The following STS variants were observed in gnomAD, a reference collection of about 807,000 sequenced individuals.
The protein encoded by STS is steryl-sulfatase.
In STS, 7 loss-of-function variants were observed where a neutral mutation model predicts 26.8. That is an observed-to-expected ratio of 0.26 (90% CI 0.15 to 0.49). STS has a LOEUF of 0.49. STS is among the 20% of genes least tolerant of loss of function. The pLI is 0.98. For synonymous variants in STS, 199 were observed against 189.4 expected (o/e 1.05, Z -0.42); for missense variants, 434 against 465.6 (o/e 0.93, Z 0.63).
At chrX:7,176,316 T>G (rs1468129473) in intron 1 of STS, among the ~76,000 whole-genome samples, 4 of 111,181 alleles carry the variant, frequency 3.6e-5, no homozygotes, top group African/African-American at 1.3e-4. Flanking sequence ...TTGTGCAAAG[T>G]AGAAGAAAGT....
At chrX:7,204,535 C>A (rs1464517943) in intron 2 of STS, among the ~76,000 whole-genome samples, 1 of 89,759 alleles carries the variant, frequency 1.1e-5, no homozygotes, top group African/African-American at 4.1e-5. Flanking sequence ...CTCCCTCCCT[C>A]CCTCCTTTCC....
intron 2 of STS, among the ~76,000 whole-genome samples, chrX:7,213,662 T>C (rs2147040927): frequency 8.9e-6 from 1 of 112,066 alleles, no homozygotes; most frequent in East Asian, 2.8e-4. Context: ...GTAAAAACTG[T>C]ATCCATCTCC....
chrX:7,235,326 A>G (rs763670071), intron 2 of STS, among the ~76,000 whole-genome samples: 2 of 112,088 alleles, frequency 1.8e-5, no homozygotes, highest in African/African-American at 6.5e-5. Flanking sequence ...TATCCTGCCT[A>G]TGATGGCACT....
chrX:7,177,989 G>A (rs749024567), intron 1 of STS, among the ~76,000 whole-genome samples: 3 of 109,890 alleles, frequency 2.7e-5, no homozygotes, highest in African/African-American at 9.9e-5. Context: ...ACAGGGTCTC[G>A]CTATGTTGGC....
At chrX:7,303,736 G>A (rs1440895943) in intron 7 of STS, among the ~76,000 whole-genome samples, 1 of 111,797 alleles carries the variant, frequency 8.9e-6, no homozygotes, top group Non-Finnish European at 1.9e-5. Context: ...GCCCATCATT[G>A]TCTTCTGATT....
At chrX:7,257,794 T>G (rs1222597094) in intron 5 of STS, among the ~76,000 whole-genome samples, 1 of 102,575 alleles carries the variant, frequency 9.7e-6, no homozygotes, top group East Asian at 3.1e-4. Context: ...ACTACTCAAA[T>G]GTATAGATGT....
At chrX:7,159,427 C>T (rs1933198882) in intron 1 of STS, among the ~76,000 whole-genome samples, 2 of 112,016 alleles carry the variant, frequency 1.8e-5, no homozygotes, top group African/African-American at 6.5e-5. Flanking sequence ...ATCAGGCTCT[C>T]CACAGATCAT....
chrX:7,206,090 G>C (rs1390734198), intron 2 of STS, among the ~76,000 whole-genome samples: 1 of 111,742 alleles, frequency 8.9e-6, no homozygotes, highest in Non-Finnish European at 1.9e-5. Context: ...AATGGGCTTT[G>C]CTCTGGGTTT....
chrX:7,316,847 A>G (rs780456265), intron 8 of STS, among the ~76,000 whole-genome samples: 16 of 111,878 alleles, frequency 1.4e-4, no homozygotes, highest in African/African-American at 4.9e-4. Context: ...ATCATCACAC[A>G]CTTCAACGGG....
At chrX:7,338,719 A>T (rs764858485) in intron 10 of STS, among the ~76,000 whole-genome samples, 21 of 111,989 alleles carry the variant, frequency 1.9e-4, no homozygotes, top group Non-Finnish European at 2.8e-4. Flanking sequence ...TTTAAAAATG[A>T]CAATACTAGG....
At chrX:7,214,983 TATATATACGTATATATAC>T (rs1469415633) in intron 2 of STS, among the ~76,000 whole-genome samples, 2 of 82,309 alleles carry the variant, frequency 2.4e-5, no homozygotes, top group Admixed American at 1.7e-4. Context: ...TATATATACA[TATATATACGTATATATAC>T]ATATATACGT....
At chrX:7,254,101 A>G (rs1601688489) in intron 3 of STS, among the ~76,000 whole-genome samples, 1 of 111,931 alleles carries the variant, frequency 8.9e-6, no homozygotes, top group South Asian at 3.8e-4. Flanking sequence ...CCACCTCCTA[A>G]TAAAATCCCA....
chrX:7,294,555 A>G (rs1601720586), intron 7 of STS, among the ~76,000 whole-genome samples: 1 of 112,005 alleles, frequency 8.9e-6, no homozygotes. Context: ...ATGCAAAAGC[A>G]TTTAGTCTAT....
chrX:7,324,165 C>T (rs543946288), intron 8 of STS, among the ~76,000 whole-genome samples: 67 of 105,139 alleles, frequency 6.4e-4, no homozygotes, highest in South Asian at 5.6e-3. Context: ...GAGTCAAAAT[C>T]GGGGGGTGGG....
chrX:7,350,303 C>T lies in STS; in HGVS notation c.*42C>T, dbSNP rs1387453594. The T allele has an allele frequency of 2.5e-6, 3 of 1,188,028 alleles. No homozygotes were observed. The highest frequency in any genetic ancestry group is 3.4e-6 in the Non-Finnish European group (3 of 884,781). ...GACAGACGCATGTGGCAAAGCTCACCATCTTCACTACAAACACGCCTGAGA... is the reference window on the plus strand; with the variant it reads ...GACAGACGCATGTGGCAAAGCTCACTATCTTCACTACAAACACGCCTGAGA... On this transcript the variant is annotated 3_prime_UTR_variant, in exon 11 of 11. Coordinates refer to ENST00000674429, the MANE Select transcript of STS (RefSeq NM_001320752.2).
chrX:7,322,632 C>T (rs1451707989), intron 8 of STS, among the ~76,000 whole-genome samples: 1 of 111,920 alleles, frequency 8.9e-6, no homozygotes, highest in African/African-American at 3.2e-5. Context: ...AACTGCTGAC[C>T]TCAGGTGATC....
intron 3 of STS, among the ~76,000 whole-genome samples, chrX:7,256,683 C>A (rs1380702381): frequency 9.0e-6 from 1 of 111,670 alleles, no homozygotes. Context: ...CTGCAGTATC[C>A]TATTTCAAAG....
In STS at chrX:7,163,324, A is replaced by G. The variant is rs73192658; in HGVS notation, c.-134+15241A>G. Among the ~76,000 whole-genome samples the G allele has an allele frequency of 2.8e-3, 316 of 112,308 alleles. 1 individual carries two copies. The highest frequency in any genetic ancestry group is 4.5e-3 in the Non-Finnish European group (238 of 53,259). Reference sequence around the variant, plus strand: ...AACTGTCTCTTGTGTAGAATCACCAAATTGGAAACAGATAAGAACCGGCAT... The same window carrying G: ...AACTGTCTCTTGTGTAGAATCACCAGATTGGAAACAGATAAGAACCGGCAT... On this transcript the variant is annotated intron_variant, in intron 1 of 10. Coordinates refer to ENST00000674429, the MANE Select transcript of STS (RefSeq NM_001320752.2).
At chrX:7,225,753 T>A (rs1448906406) in intron 2 of STS, among the ~76,000 whole-genome samples, 1 of 112,062 alleles carries the variant, frequency 8.9e-6, no homozygotes, top group Non-Finnish European at 1.9e-5. Context: ...CAAGAGCACA[T>A]GTTACAAGCA....
Sources: gnomAD v4.1 joint callset for allele counts (sites outside exome capture counted in the v4.1 genomes callset) on GRCh38, gnomAD v4.1.1 for gene constraint, MANE v1.5 for transcripts, NCBI Gene and HGNC (gene_info 2026-07-23, HGNC 2026-07-21) for gene names.